The following DCC variants were observed in gnomAD, a reference collection of about 807,000 sequenced individuals.
DCC encodes DCC netrin 1 receptor.
In DCC, 58 loss-of-function variants were observed where a neutral mutation model predicts 172.5. That is an observed-to-expected ratio of 0.34 (90% CI 0.27 to 0.42). DCC has a LOEUF of 0.42. DCC is among the 10% of genes least tolerant of loss of function. The pLI, the probability that DCC is intolerant of heterozygous loss-of-function variation, is 1.00. For synonymous variants in DCC, 709 were observed against 644.5 expected (o/e 1.10, Z -1.52); for missense variants, 1,740 against 1,791.0 (o/e 0.97, Z 0.51).
At chr18:52,931,901 A>G (rs1345191504) in intron 5 of DCC, 3 of 152,060 alleles carry the variant, frequency 2.0e-5, no homozygotes, top group Admixed American at 6.6e-5. Context: ...TATAATTACA[A>G]TTCGTAAAAT....
intron 2 of DCC, among the ~76,000 whole-genome samples, chr18:52,865,636 C>T (rs767479122): frequency 7.9e-5 from 12 of 151,402 alleles, no homozygotes; most frequent in Non-Finnish European, 1.2e-4. Flanking sequence ...GTTTGATAGC[C>T]GCCTAAATGT....
intron 7 of DCC, among the ~76,000 whole-genome samples, chr18:53,118,616 A>T (rs2043440065): frequency 6.6e-6 from 1 of 151,842 alleles, no homozygotes; most frequent in Non-Finnish European, 1.5e-5. Flanking sequence ...CTAAAATATT[A>T]TGGTCCCTGT....
At chr18:52,528,381 A>G (rs2032045574) in intron 1 of DCC, among the ~76,000 whole-genome samples, 1 of 152,330 alleles carries the variant, frequency 6.6e-6, no homozygotes, top group African/African-American at 2.4e-5. Context: ...CTAAGAAATG[A>G]GAGATTTATT....
chr18:52,764,385 C>G (rs1169602202), intron 2 of DCC, among the ~76,000 whole-genome samples: 1 of 152,202 alleles, frequency 6.6e-6, no homozygotes, highest in Non-Finnish European at 1.5e-5. Context: ...TTCATCCCCT[C>G]CAAACCTCGT....
chr18:53,239,771 T>A (rs1430686638), intron 12 of DCC, among the ~76,000 whole-genome samples: 2 of 152,136 alleles, frequency 1.3e-5, no homozygotes, highest in Non-Finnish European at 2.9e-5. Flanking sequence ...TTCAAGGGTG[T>A]TCAAAATGAT....
At chr18:52,557,509 A>G (rs1399529303) in intron 1 of DCC, among the ~76,000 whole-genome samples, 1 of 152,228 alleles carries the variant, frequency 6.6e-6, no homozygotes, top group African/African-American at 2.4e-5. Flanking sequence ...TAGAATATTT[A>G]TGATGAGTTA....
chr18:52,567,109 A>G (rs1311887007), intron 1 of DCC, among the ~76,000 whole-genome samples: 1 of 152,182 alleles, frequency 6.6e-6, no homozygotes, highest in Non-Finnish European at 1.5e-5. Flanking sequence ...GGTGATATCC[A>G]GCTGTGTTTT....
chr18:53,065,984 C>A, intron 6 of DCC, 62 bp from the exon 7 acceptor site: 1 of 1,603,338 alleles, frequency 6.2e-7, no homozygotes, highest in South Asian at 1.1e-5. Flanking sequence ...CATCTAAGTT[C>A]ATTTTGTCAC....
chr18:53,259,058 G>C (rs2056559958), intron 12 of DCC, among the ~76,000 whole-genome samples: 1 of 151,872 alleles, frequency 6.6e-6, no homozygotes, highest in African/African-American at 2.4e-5. Context: ...TTTTCCATTT[G>C]CTTGGTAGAT....
chr18:52,497,300 TATATATATATATATAC>T (rs1303524339), intron 1 of DCC, among the ~76,000 whole-genome samples: 1 of 78,576 alleles, frequency 1.3e-5, no homozygotes, highest in Non-Finnish European at 2.6e-5. Context: ...TATATATATA[TATATATATATATATAC>T]ACACACACAT....
At chr18:53,078,249 C>A (rs566885569) in intron 7 of DCC, among the ~76,000 whole-genome samples, 1 of 152,010 alleles carries the variant, frequency 6.6e-6, no homozygotes, top group South Asian at 2.1e-4. Flanking sequence ...TATGATGGGG[C>A]CACTGCACTC....
At chr18:52,560,490 G>C (rs2033012029) in intron 1 of DCC, among the ~76,000 whole-genome samples, 1 of 152,108 alleles carries the variant, frequency 6.6e-6, no homozygotes, top group African/African-American at 2.4e-5. Context: ...GGTATCTATG[G>C]CCTCTCTCAT....
intron 12 of DCC, among the ~76,000 whole-genome samples, chr18:53,288,120 AAC>A (rs2056957639): frequency 6.6e-6 from 1 of 152,126 alleles, no homozygotes; most frequent in Non-Finnish European, 1.5e-5. Context: ...CTTTTAGAAA[AAC>A]TGTGTTTGGA....
chr18:53,146,803 A>G (rs1165162358), intron 7 of DCC, among the ~76,000 whole-genome samples: 1 of 152,224 alleles, frequency 6.6e-6, no homozygotes, highest in Non-Finnish European at 1.5e-5. Flanking sequence ...TACATTTGTT[A>G]TGGTGGATGA....
At chr18:52,891,851 TTC>T (rs890610022) in intron 2 of DCC, among the ~76,000 whole-genome samples, 1 of 152,108 alleles carries the variant, frequency 6.6e-6, no homozygotes, top group African/African-American at 2.4e-5. Context: ...GCTGTTAAGT[TTC>T]TCTCTGAGAT....
At chr18:52,590,413 A>T (rs151290361) in intron 1 of DCC, among the ~76,000 whole-genome samples, 103 of 152,274 alleles carry the variant, frequency 6.8e-4, no homozygotes, top group African/African-American at 2.2e-3. Flanking sequence ...ATTAGGGAGT[A>T]AAAAAAGTAT....
At chr18:52,411,121 A>G (rs1192291553) in intron 1 of DCC, among the ~76,000 whole-genome samples, 3 of 152,082 alleles carry the variant, frequency 2.0e-5, no homozygotes, top group Non-Finnish European at 2.9e-5. Flanking sequence ...CTTAGCGGTA[A>G]ACTTCCTGTG....
chr18:52,828,994 A>G (rs2038563732), intron 2 of DCC, among the ~76,000 whole-genome samples: 1 of 152,228 alleles, frequency 6.6e-6, no homozygotes, highest in Non-Finnish European at 1.5e-5. Context: ...AGGTAATGAA[A>G]TATGATTTTG....
chr18:52,517,787 C>T (rs186822693), intron 1 of DCC, among the ~76,000 whole-genome samples: 1 of 152,114 alleles, frequency 6.6e-6, no homozygotes, highest in Non-Finnish European at 1.5e-5. Flanking sequence ...ACTATCCTGA[C>T]TTCTGATACC....
Sources: gnomAD v4.1 joint callset for allele counts (sites outside exome capture counted in the v4.1 genomes callset) on GRCh38, gnomAD v4.1.1 for gene constraint, MANE v1.5 for transcripts, NCBI Gene and HGNC (gene_info 2026-07-23, HGNC 2026-07-21) for gene names.